Variants in VPS13D observed in about 807,000 individuals in gnomAD.
The protein encoded by VPS13D is intermembrane lipid transfer protein VPS13D.
VPS13D carries 187 observed loss-of-function variants against 461.9 expected under a neutral mutation model. The observed-to-expected ratio is 0.40, with a 90% CI of 0.36 to 0.46. VPS13D has a LOEUF of 0.46. Ranked by LOEUF, VPS13D falls within the 20% of genes least tolerant of loss-of-function variation. The pLI, the probability that VPS13D is intolerant of heterozygous loss-of-function variation, is 0.60. For synonymous variants in VPS13D, 1,951 were observed against 1,986.3 expected (o/e 0.98, Z 0.47); for missense variants, 4,711 against 5,364.9 (o/e 0.88, Z 3.81).
chr1:12,253,666 G>A (rs1640814780), intron 6 of VPS13D, 56 bp from the exon 7 acceptor site: 2 of 1,326,036 alleles, frequency 1.5e-6, no homozygotes, highest in African/African-American at 1.4e-5. Context: ...TTGAATGAAT[G>A]ACATTCACGA....
intron 61 of VPS13D, among the ~76,000 whole-genome samples, chr1:12,400,962 GCA>G (rs55998605): frequency 0.028 from 2,952 of 106,232 alleles, 48 homozygotes; most frequent in Middle Eastern, 0.05. Flanking sequence ...CTGCGCGCGC[GCA>G]CACACACACA....
In VPS13D at chr1:12,456,007, A is replaced by G; in HGVS notation, c.12343A>G (p.Thr4115Ala). 6.2e-7 allele frequency: 1 copy of G among 1,609,570 alleles called. No individual in the cohort carries two copies. The highest frequency in any genetic ancestry group is 8.5e-7 in the Non-Finnish European group (1 of 1,178,450). Residue 4115 changes from threonine to alanine, a missense_variant, in exon 66 of 70, where the codon ACA (threonine) becomes GCA (alanine). Physicochemically the swap from Thr to Ala is moderately conservative, Grantham distance 58. Coordinates refer to ENST00000620676, the MANE Select transcript of VPS13D (RefSeq NM_015378.4). ...VSNSAAKFAG[T>A]LSDGLGKTMD... Reference sequence around the variant, plus strand: ...TTTTAACTCCTTCTAGTTTGCTGGAACATTATCAGATGGCTTAGGGAAGAC... The same window carrying G: ...TTTTAACTCCTTCTAGTTTGCTGGAGCATTATCAGATGGCTTAGGGAAGAC...
At chr1:12,349,611 A>C (rs912681160) in intron 46 of VPS13D, among the ~76,000 whole-genome samples, 1 of 152,208 alleles carries the variant, frequency 6.6e-6, no homozygotes, top group African/African-American at 2.4e-5. Flanking sequence ...CTATTTACAC[A>C]TACAAGATTA....
Position 12,378,600 on chromosome 1 carries a change from C to T in VPS13D, c.11081+9C>T. On this transcript the variant is annotated intron_variant, in intron 56 of 69. Coordinates refer to ENST00000620676, the MANE Select transcript of VPS13D (RefSeq NM_015378.4). The stretch of plus-strand genomic sequence containing the variant: ...GCAGTGACTGACAACAGGTAATTTT[C>T]TAGGCAACTTTTGATTCAAGCTCAT... The T allele has an allele frequency of 1.3e-6, 2 of 1,540,076 alleles. No homozygotes were observed. The highest frequency in any genetic ancestry group is 8.8e-7 in the Non-Finnish European group (1 of 1,140,670).
chr1:12,357,874 C>T (rs1234113996), intron 49 of VPS13D, among the ~76,000 whole-genome samples: 1 of 151,990 alleles, frequency 6.6e-6, no homozygotes, highest in Non-Finnish European at 1.5e-5. Flanking sequence ...TGTGGTGGCG[C>T]TCGCCTGTAG....
chr1:12,473,995 C>T lies in VPS13D; in HGVS notation c.12662+13599C>T, dbSNP rs764321775. On this transcript the variant is annotated intron_variant, in intron 67 of 69. Transcript: ENST00000620676. The surrounding 1 kb of genome is among the most constrained non-coding windows in gnomAD (Gnocchi z 4.2). ...CTTGTGAAGAGCAGGTGACCCCAAA[C>T]TATTGTTAGTGTCTGCTGTAAATGA... Among the ~76,000 whole-genome samples, 5 of 152,146 alleles carry T rather than the reference C, an allele frequency of 3.3e-5. No individual in the cohort carries two copies. Among genetic ancestry groups the T allele is most frequent in the African/African-American group, 7.2e-5 (3 of 41,432 alleles).
intron 16 of VPS13D, 87 bp downstream of exon 16, chr1:12,268,963 G>T (rs1569748345): frequency 1.4e-6 from 2 of 1,472,150 alleles, no homozygotes; most frequent in South Asian, 2.7e-5. Context: ...GGGTTATTCA[G>T]ATGCTCTGAT....
chr1:12,434,803 A>G (rs916803825), intron 65 of VPS13D, among the ~76,000 whole-genome samples: 8 of 152,230 alleles, frequency 5.3e-5, no homozygotes. Context: ...CTTGTACTAC[A>G]TGGTAACAAT....
At chr1:12,296,423 G>A (rs1642277723) in intron 24 of VPS13D, among the ~76,000 whole-genome samples, 1 of 152,214 alleles carries the variant, frequency 6.6e-6, no homozygotes, top group South Asian at 2.1e-4. Context: ...ATAGCATACA[G>A]TGTATCAAGT....
chr1:12,501,123 CTCTTT>C (rs1227766035), intron 68 of VPS13D, among the ~76,000 whole-genome samples: 1 of 151,956 alleles, frequency 6.6e-6, no homozygotes, highest in Non-Finnish European at 1.5e-5. Flanking sequence ...GAGTAAAAGT[CTCTTT>C]TCTTATCTAC....
chr1:12,312,488 T>G (rs530915802), intron 29 of VPS13D, among the ~76,000 whole-genome samples: 2 of 152,340 alleles, frequency 1.3e-5, no homozygotes, highest in East Asian at 3.9e-4. Context: ...CTAGGCGCAG[T>G]GGCTCAGGCC....
rs117752747 is a variant in VPS13D, at chr1:12,324,057, C to T, written c.7990+277C>T. Among the ~76,000 whole-genome samples, 15 of 152,212 alleles carry T rather than the reference C, an allele frequency of 9.9e-5. No individual in the cohort carries two copies. In the East Asian group the frequency reaches 1.7e-3, roughly 18 times the overall value. On this transcript the variant is annotated intron_variant, in intron 35 of 69. Coordinates refer to ENST00000620676, the MANE Select transcript of VPS13D (RefSeq NM_015378.4). ...CTGAGTACCTGGGTTTATAGGCATG[C>T]GTCACCACACCTAGGTAATTTTTGT...
At chr1:12,328,580 GC>G (rs2101547478) in intron 36 of VPS13D, among the ~76,000 whole-genome samples, 1 of 152,018 alleles carries the variant, frequency 6.6e-6, no homozygotes, top group African/African-American at 2.4e-5. Flanking sequence ...CGCTCTTGTT[GC>G]CCAGGCTGGA....
intron 52 of VPS13D, among the ~76,000 whole-genome samples, chr1:12,365,663 C>T (rs969743901): frequency 4.0e-5 from 6 of 149,824 alleles, no homozygotes; most frequent in African/African-American, 9.9e-5. Flanking sequence ...GAGATCGTGC[C>T]GTTGCACTCT....
chr1:12,484,261 C>T (rs894624055), intron 67 of VPS13D, among the ~76,000 whole-genome samples: 2 of 152,140 alleles, frequency 1.3e-5, no homozygotes, highest in African/African-American at 4.8e-5. Flanking sequence ...GCATATAGTG[C>T]CGGACCACCC....
intron 1 of VPS13D, 76 bp from the exon 2 acceptor site, chr1:12,234,115 C>T: frequency 1.7e-6 from 1 of 595,016 alleles, no homozygotes; most frequent in Non-Finnish European, 3.0e-6. Context: ...CATCTACCTT[C>T]AGGCAGGTAG....
chr1:12,247,957 G>A (rs998045326), intron 5 of VPS13D, among the ~76,000 whole-genome samples: 6 of 150,592 alleles, frequency 4.0e-5, no homozygotes, highest in Admixed American at 6.6e-5. Flanking sequence ...GCGTGATCCC[G>A]GCTCACTGCA....
chr1:12,384,574 A>G (rs1277909150), intron 58 of VPS13D, among the ~76,000 whole-genome samples: 1 of 152,168 alleles, frequency 6.6e-6, no homozygotes, highest in Admixed American at 6.5e-5. Context: ...GAATGTAGCA[A>G]TGAGCTCTCT....
At chr1:12,388,862 T>C (rs1644385151) in intron 60 of VPS13D, among the ~76,000 whole-genome samples, 1 of 152,154 alleles carries the variant, frequency 6.6e-6, no homozygotes, top group East Asian at 1.9e-4. Flanking sequence ...TGAAAAAAGA[T>C]ATAACATGTT....
Sources: allele counts gnomAD v4.1 joint callset (sites outside exome capture counted in the v4.1 genomes callset), GRCh38; gene constraint gnomAD v4.1.1; non-coding constraint Gnocchi (gnomAD v3.1); transcripts MANE v1.5; gene names NCBI Gene and HGNC (gene_info 2026-07-23, HGNC 2026-07-21).